ASTN2: variants seen among roughly 807,000 people sequenced by gnomAD.
ASTN2 encodes astrotactin 2, also known as astrotactin-2.
In ASTN2, 54 loss-of-function variants were observed where a neutral mutation model predicts 139.8. The observed-to-expected ratio is 0.39, with a 90% CI of 0.31 to 0.48. ASTN2 has a LOEUF of 0.48. ASTN2 is among the 20% of genes least tolerant of loss of function. ASTN2 has a pLI of 0.95. For missense variants in ASTN2, 1,565 were observed against 1,725.1 expected (o/e 0.91, Z 1.64); for synonymous variants, 756 against 719.5 (o/e 1.05, Z -0.81).
intron 13 of ASTN2, among the ~76,000 whole-genome samples, chr9:116,754,509 G>T (rs1327087961): frequency 6.6e-6 from 1 of 152,028 alleles, no homozygotes; most frequent in East Asian, 1.9e-4. Flanking sequence ...CATTCTAACT[G>T]GTGTGATGTC....
chr9:116,753,128 G>T (rs955498703), intron 13 of ASTN2, among the ~76,000 whole-genome samples: 1 of 152,166 alleles, frequency 6.6e-6, no homozygotes, highest in Non-Finnish European at 1.5e-5. Context: ...TTAATAGGTG[G>T]TTCAATAAAC....
At chr9:117,391,210 C>T (rs1189638365) in intron 1 of ASTN2, among the ~76,000 whole-genome samples, 4 of 152,124 alleles carry the variant, frequency 2.6e-5, no homozygotes, top group Admixed American at 2.0e-4. Context: ...TCTTGTAGGC[C>T]TTGATTAGGA....
At chr9:116,544,722 C>T (rs962903620) in intron 19 of ASTN2, among the ~76,000 whole-genome samples, 4 of 152,108 alleles carry the variant, frequency 2.6e-5, no homozygotes, top group South Asian at 2.1e-4. Flanking sequence ...TTGGATTAGG[C>T]GCTAGGGGCC....
intron 17 of ASTN2, among the ~76,000 whole-genome samples, chr9:116,646,531 G>A (rs1409197100): frequency 1.3e-5 from 2 of 152,110 alleles, no homozygotes; most frequent in Admixed American, 1.3e-4. Context: ...GCGTTGTTTT[G>A]TGGCCATATT....
intron 2 of ASTN2, chr9:117,276,993 G>C (rs1834206877): frequency 6.6e-6 from 1 of 152,246 alleles, no homozygotes; most frequent in Non-Finnish European, 1.5e-5. Context: ...GTGGACATGA[G>C]GGCGATCTGG....
chr9:116,635,218 CCTATAAAGTGGGTGCT>C (rs1338408413), intron 17 of ASTN2, among the ~76,000 whole-genome samples: 3 of 152,090 alleles, frequency 2.0e-5, no homozygotes, highest in African/African-American at 7.2e-5. Flanking sequence ...TCAGAGCCAC[CCTATAAAGTGGGTGCT>C]CATATTACTC....
chr9:116,620,350 C>T lies in ASTN2; in HGVS notation c.3166G>A (p.Ala1056Thr). ...WCRCDLSAFD[A>T]NGLPNCSPLL... ...GGGCTGCAGTTGGGGAGCCCATTGG[C>T]ATCAAAGGCGCTGAGGTCACACCTG... is the stretch of plus-strand genomic sequence containing the variant. The change falls in exon 18 of 23, where the codon GCC becomes ACC. Residue 1056 changes from alanine (A) to threonine (T), a missense_variant. Transcript: ENST00000313400. The T allele has an allele frequency of 1.2e-6, 2 of 1,614,126 alleles. No individual in the cohort carries two copies. Among genetic ancestry groups the T allele is most frequent in the South Asian group, 2.2e-5 (2 of 91,082 alleles).
intron 6 of ASTN2, among the ~76,000 whole-genome samples, chr9:117,013,585 A>C (rs961115990): frequency 9.2e-5 from 14 of 151,994 alleles, no homozygotes; most frequent in African/African-American, 3.4e-4. Flanking sequence ...TAGCATCTGA[A>C]GCCCAGTGTT....
chr9:117,052,215 C>T (rs922346810), intron 5 of ASTN2, among the ~76,000 whole-genome samples: 5 of 151,782 alleles, frequency 3.3e-5, no homozygotes, highest in African/African-American at 7.3e-5. Context: ...CTGAGGTGGG[C>T]GGATCATGAG....
intron 4 of ASTN2, among the ~76,000 whole-genome samples, chr9:117,140,812 A>G (rs1025439926): frequency 2.6e-5 from 4 of 152,278 alleles, no homozygotes; most frequent in African/African-American, 7.2e-5. Context: ...GGCTTGGAGA[A>G]GTAGAGTGAT....
At chr9:117,306,575 G>T (rs911839767) in intron 1 of ASTN2, among the ~76,000 whole-genome samples, 5 of 152,244 alleles carry the variant, frequency 3.3e-5, no homozygotes, top group Middle Eastern at 3.4e-3. Flanking sequence ...CTGTTCAGAG[G>T]ATTTACTAAA....
At chr9:116,646,069 CA>C (rs1271064052) in intron 17 of ASTN2, among the ~76,000 whole-genome samples, 1 of 152,146 alleles carries the variant, frequency 6.6e-6, no homozygotes, top group East Asian at 1.9e-4. Context: ...CCACATTTTA[CA>C]AGTGTGGAAA....
intron 7 of ASTN2, among the ~76,000 whole-genome samples, chr9:116,979,638 C>A (rs554725257): frequency 1.3e-5 from 2 of 152,184 alleles, no homozygotes; most frequent in Non-Finnish European, 2.9e-5. Context: ...TCCAGACTCC[C>A]AGGACTGATT....
intron 19 of ASTN2, among the ~76,000 whole-genome samples, chr9:116,507,876 CTTCTT>C (rs959467847): frequency 1.1e-4 from 17 of 152,066 alleles, no homozygotes; most frequent in African/African-American, 3.9e-4. Context: ...CTTTCTTCTT[CTTCTT>C]TTATTTATTT....
intron 2 of ASTN2, among the ~76,000 whole-genome samples, chr9:117,261,109 A>G (rs1833812301): frequency 6.6e-6 from 1 of 152,234 alleles, no homozygotes; most frequent in South Asian, 2.1e-4. Context: ...CTAAAGACAG[A>G]GCAGTGAGCA....
intron 4 of ASTN2, among the ~76,000 whole-genome samples, chr9:117,131,644 C>A (rs1587998150): frequency 6.6e-6 from 1 of 152,146 alleles, no homozygotes; most frequent in Admixed American, 6.5e-5. Flanking sequence ...ATCTACATAA[C>A]AAGAACCTTG....
rs2094283 is a variant in ASTN2 at position 116,828,051 on chromosome 9, C to A, written c.2041-7268G>T. Among the ~76,000 whole-genome samples, 54 of 151,990 alleles carry A rather than the reference C, an allele frequency of 3.6e-4. 1 individual carries two copies. In the East Asian group the frequency reaches 9.9e-3, roughly 28 times the overall value. On this transcript the variant is annotated intron_variant, in intron 11 of 22. Coordinates refer to ENST00000313400, the MANE Select transcript of ASTN2 (RefSeq NM_001365068.1). ...GTGGCTCACGCCTGTAAGCCCAGCA[C>A]TTTGGGAGGCTGAGGCAGGCAGATC... is the stretch of plus-strand genomic sequence containing the variant.
At chr9:117,407,777 T>TG (rs1380926198) in intron 1 of ASTN2, among the ~76,000 whole-genome samples, 2 of 152,182 alleles carry the variant, frequency 1.3e-5, no homozygotes, top group East Asian at 1.9e-4. Flanking sequence ...TGCCTCTTTC[T>TG]GGGGGCAGAG....
intron 1 of ASTN2, among the ~76,000 whole-genome samples, chr9:117,313,291 G>A (rs923083330): frequency 3.3e-5 from 5 of 152,150 alleles, no homozygotes; most frequent in South Asian, 4.1e-4. Flanking sequence ...TGGCTCTTCC[G>A]TTTGGATTTT....
Sources: gnomAD v4.1 joint callset for allele counts (sites outside exome capture counted in the v4.1 genomes callset) on GRCh38, gnomAD v4.1.1 for gene constraint, MANE v1.5 for transcripts, NCBI Gene and HGNC (gene_info 2026-07-23, HGNC 2026-07-21) for gene names.